Variants in ARHGAP19 observed in about 807,000 individuals in gnomAD.
The protein encoded by ARHGAP19 is rho GTPase-activating protein 19.
ARHGAP19 carries 48 observed loss-of-function variants against 60.9 expected under a neutral mutation model. The ratio of observed to expected loss-of-function variants is 0.79; its 90% CI spans 0.62 to 1.00. ARHGAP19 has a LOEUF of 1.00. ARHGAP19 is among the 50% of genes least tolerant of loss of function. The pLI, the probability that ARHGAP19 is intolerant of heterozygous loss-of-function variation, is 0.00. For missense variants in ARHGAP19, 562 were observed against 597.2 expected, an observed-to-expected ratio of 0.94 and a Z score of 0.61; for synonymous variants, 209 against 215.5, an observed-to-expected ratio of 0.97 and a Z score of 0.27.
intron 6 of ARHGAP19, among the ~76,000 whole-genome samples, chr10:97,252,398 G>A (rs1273084068): frequency 3.3e-5 from 5 of 151,460 alleles, no homozygotes; most frequent in African/African-American, 9.7e-5. Context: ...TGAGGTGGGC[G>A]GATCATGAGG....
chr10:97,262,366 A>G (rs940236475), intron 4 of ARHGAP19, among the ~76,000 whole-genome samples: 2 of 151,762 alleles, frequency 1.3e-5, no homozygotes, highest in Non-Finnish European at 2.9e-5. Context: ...AATAATTTTT[A>G]AAAAAAATAA....
At chr10:97,247,948 C>A (rs189915323) in intron 6 of ARHGAP19, among the ~76,000 whole-genome samples, 218 of 144,816 alleles carry the variant, frequency 1.5e-3, no homozygotes, top group Admixed American at 5.5e-3. Flanking sequence ...CTAAGTATAT[C>A]TTTTAATGTG....
intron 9 of ARHGAP19, among the ~76,000 whole-genome samples, chr10:97,234,125 G>A (rs1438162113): frequency 1.3e-5 from 2 of 151,890 alleles, no homozygotes; most frequent in Admixed American, 1.3e-4. Flanking sequence ...AAATTAGCTG[G>A]GCATGGTGGC....
intron 11 of ARHGAP19, chr10:97,228,942 C>CTCT: frequency 4.4e-6 from 3 of 681,042 alleles, no homozygotes; most frequent in Non-Finnish European, 8.1e-6. Flanking sequence ...GTGTTCACAG[C>CTCT]TCTACCCTTA....
At chr10:97,229,994 C>T (rs1383042265) in intron 9 of ARHGAP19, 120 bp from the exon 10 acceptor site, 6 of 706,612 alleles carry the variant, frequency 8.5e-6, no homozygotes, top group Non-Finnish European at 1.4e-5. Flanking sequence ...TCTGATAATC[C>T]TGTATGGACC....
intron 1 of ARHGAP19, among the ~76,000 whole-genome samples, chr10:97,273,411 C>A (rs1311539937): frequency 6.6e-6 from 1 of 151,952 alleles, no homozygotes; most frequent in Non-Finnish European, 1.5e-5. Flanking sequence ...GATCCACCCA[C>A]CTCAGCCTCC....
intron 1 of ARHGAP19, among the ~76,000 whole-genome samples, chr10:97,288,505 G>A (rs10882890): frequency 0.6 from 90,474 of 151,088 alleles, 27,335 homozygotes; most frequent in East Asian, 0.75. Context: ...GCTTGAACTC[G>A]GGGGGGCAGA....
intron 1 of ARHGAP19, among the ~76,000 whole-genome samples, chr10:97,292,034 TA>T (rs376614541): frequency 2.6e-5 from 4 of 152,352 alleles, no homozygotes; most frequent in Non-Finnish European, 2.9e-5. Context: ...GTGCTAGCTT[TA>T]AATGGATTGT....
At chr10:97,235,103 C>A (rs949053951) in intron 9 of ARHGAP19, 114 bp downstream of exon 9, 2 of 937,158 alleles carry the variant, frequency 2.1e-6, no homozygotes, top group Admixed American at 4.6e-5. Context: ...CCCTTATAAA[C>A]TAGCCCTTTA....
At chr10:97,242,954 T>G (rs1842511900) in intron 8 of ARHGAP19, among the ~76,000 whole-genome samples, 1 of 152,188 alleles carries the variant, frequency 6.6e-6, no homozygotes, top group Admixed American at 6.5e-5. Flanking sequence ...CCAGCCGGTA[T>G]CAGTGTTCTT....
At chr10:97,250,080 G>A (rs564805917) in intron 6 of ARHGAP19, among the ~76,000 whole-genome samples, 11 of 151,876 alleles carry the variant, frequency 7.2e-5, no homozygotes, top group African/African-American at 2.4e-4. Context: ...CACCGCACCC[G>A]GCCAGTAGTG....
intron 5 of ARHGAP19, among the ~76,000 whole-genome samples, chr10:97,258,113 G>A (rs767051912): frequency 2.6e-5 from 4 of 152,140 alleles, no homozygotes; most frequent in East Asian, 1.9e-4. Context: ...ACCTATCAAC[G>A]ATGTTAATAG....
chr10:97,242,761 A>G (rs2009466), intron 8 of ARHGAP19, among the ~76,000 whole-genome samples: 100,929 of 151,914 alleles, frequency 0.66, 33,714 homozygotes, highest in East Asian at 0.78. Flanking sequence ...TGATCTGCTT[A>G]CCTCATCCTC....
At chr10:97,229,248 T>C in intron 10 of ARHGAP19, 23 bp from the exon 11 acceptor site, 1 of 1,571,972 alleles carries the variant, frequency 6.4e-7, no homozygotes, top group East Asian at 2.2e-5. Flanking sequence ...AATTGTACAG[T>C]GGTTTCAATG....
rs1395026400 is a variant in ARHGAP19 at position 97,259,397 on chromosome 10, C to G, written c.840+5G>C. ...GCAATCTTTACTCTTCCCGTCAACA[C>G]TCACATTTTTTGGCCACAGGACATG... On this transcript the variant is annotated splice_donor_5th_base_variant and intron_variant, in intron 5 of 11. Transcript: ENST00000358531. The G allele has an allele frequency of 6.2e-7, 1 of 1,609,226 alleles. No homozygotes were observed. Among genetic ancestry groups the G allele is most frequent in the Non-Finnish European group, 8.5e-7 (1 of 1,175,640 alleles).
At chr10:97,282,846 T>C (rs796244609) in intron 1 of ARHGAP19, among the ~76,000 whole-genome samples, 5 of 144,532 alleles carry the variant, frequency 3.5e-5, no homozygotes, top group African/African-American at 1.0e-4. Context: ...TTTCTTTTTT[T>C]TTTTTTTTTT....
intron 9 of ARHGAP19, among the ~76,000 whole-genome samples, chr10:97,234,747 TACA>T (rs986238337): frequency 5.9e-5 from 9 of 151,972 alleles, no homozygotes; most frequent in Non-Finnish European, 1.3e-4. Context: ...TGGAAGAAAG[TACA>T]ACAACTGTTA....
At chr10:97,259,723 G>T (rs1842803276) in intron 4 of ARHGAP19, 95 bp from the exon 5 acceptor site, 2 of 846,288 alleles carry the variant, frequency 2.4e-6, no homozygotes, top group Non-Finnish European at 2.0e-6. Context: ...TCCCATCAAA[G>T]AAAGAGGGAA....
intron 1 of ARHGAP19, among the ~76,000 whole-genome samples, chr10:97,284,403 G>T (rs1202043794): frequency 6.6e-6 from 1 of 152,030 alleles, no homozygotes. Flanking sequence ...GATTATAGGC[G>T]TGAGACACTC....
Sources: gnomAD v4.1 joint callset for allele counts (sites outside exome capture counted in the v4.1 genomes callset) on GRCh38, gnomAD v4.1.1 for gene constraint, MANE v1.5 for transcripts, NCBI Gene and HGNC (gene_info 2026-07-23, HGNC 2026-07-21) for gene names.